CERS6: variants seen among roughly 807,000 people sequenced by gnomAD.
The protein encoded by CERS6 is ceramide synthase 6.
A neutral mutation model predicts 56.8 loss-of-function variants in CERS6; 26 were observed. That is an observed-to-expected ratio of 0.46 (90% CI 0.34 to 0.63). CERS6 has a LOEUF of 0.63. Among genes scored for constraint, CERS6 ranks in the 30% least tolerant of loss-of-function variants. The pLI is 0.01. For missense variants in CERS6, 415 were observed against 467.5 expected (o/e 0.89, Z 1.04); for synonymous variants, 164 against 173.3 (o/e 0.95, Z 0.42).
chr2:168,491,077 A>G (rs1367244920), intron 1 of CERS6, among the ~76,000 whole-genome samples: 1 of 152,230 alleles, frequency 6.6e-6, no homozygotes, highest in Non-Finnish European at 1.5e-5. Flanking sequence ...CAAAGAGGTG[A>G]GGGAAGAGCC....
At chr2:168,671,341 A>G (rs1216556308) in intron 4 of CERS6, among the ~76,000 whole-genome samples, 1 of 152,118 alleles carries the variant, frequency 6.6e-6, no homozygotes, top group Non-Finnish European at 1.5e-5. Flanking sequence ...GATTATTTTT[A>G]TACCACTTGT....
intron 4 of CERS6, among the ~76,000 whole-genome samples, chr2:168,635,491 G>C (rs1684842304): frequency 6.6e-6 from 1 of 152,118 alleles, no homozygotes; most frequent in African/African-American, 2.4e-5. Context: ...CCTTCCTCAA[G>C]TGCTTCTAAG....
chr2:168,506,335 G>A (rs1195787711), intron 1 of CERS6, among the ~76,000 whole-genome samples: 2 of 152,034 alleles, frequency 1.3e-5, no homozygotes, highest in African/African-American at 4.8e-5. Flanking sequence ...ACCTGATGTG[G>A]CAAAATTAAC....
intron 6 of CERS6, among the ~76,000 whole-genome samples, chr2:168,701,908 C>T (rs1286259019): frequency 1.3e-5 from 2 of 152,016 alleles, no homozygotes; most frequent in East Asian, 3.9e-4. Flanking sequence ...GATGCACATC[C>T]TCCCATATAC....
intron 3 of CERS6, among the ~76,000 whole-genome samples, chr2:168,578,384 G>T (rs1172929005): frequency 2.0e-5 from 3 of 152,090 alleles, no homozygotes; most frequent in African/African-American, 7.2e-5. Flanking sequence ...GTAAGCTGCT[G>T]AGGTAGTAAA....
intron 4 of CERS6, among the ~76,000 whole-genome samples, chr2:168,646,616 C>T (rs1049395850): frequency 6.6e-6 from 1 of 152,146 alleles, no homozygotes; most frequent in Non-Finnish European, 1.5e-5. Flanking sequence ...TTTGTGTGTT[C>T]CTGTGTCCAG....
chr2:168,617,032 T>C lies in CERS6; in HGVS notation c.408-13953T>C, dbSNP rs953497945. 3.9e-5 allele frequency among the ~76,000 whole-genome samples: 6 copies of C among 152,180 alleles called. No individual in the cohort carries two copies. In the East Asian group the frequency reaches 1.2e-3, roughly 29 times the overall value. Reference sequence around the variant, plus strand: ...AGGAAATTGAAATTATATCAAACATTCTCTGAGACCACAGCAGAATAAAAG... The same window carrying C: ...AGGAAATTGAAATTATATCAAACATCCTCTGAGACCACAGCAGAATAAAAG... On this transcript the variant is annotated intron_variant, in intron 3 of 9. Transcript: ENST00000305747.
intron 4 of CERS6, among the ~76,000 whole-genome samples, chr2:168,668,767 T>C (rs988050173): frequency 3.9e-5 from 6 of 152,212 alleles, no homozygotes; most frequent in Admixed American, 6.5e-5. Flanking sequence ...ACTCTAATCT[T>C]TTATCAATTT....
chr2:168,718,014 C>A, intron 8 of CERS6, 36 bp downstream of exon 8: 3 of 1,427,446 alleles, frequency 2.1e-6, no homozygotes, highest in Non-Finnish European at 2.0e-6. Context: ...TAGAGCCACC[C>A]TTTCCAAATA....
chr2:168,626,496 T>A (rs925251985), intron 3 of CERS6, among the ~76,000 whole-genome samples: 45 of 152,332 alleles, frequency 3.0e-4, no homozygotes, highest in Admixed American at 9.8e-4. Flanking sequence ...AGAGCCCTGT[T>A]CAACCTTGTT....
At chr2:168,705,150 G>A (rs1045357236) in intron 6 of CERS6, among the ~76,000 whole-genome samples, 1 of 152,170 alleles carries the variant, frequency 6.6e-6, no homozygotes, top group African/African-American at 2.4e-5. Flanking sequence ...AGAAAATGAT[G>A]TGGCATTCCC....
intron 4 of CERS6, among the ~76,000 whole-genome samples, chr2:168,690,336 T>C (rs572409501): frequency 8.3e-4 from 126 of 152,306 alleles, no homozygotes; most frequent in Non-Finnish European, 1.6e-3. Flanking sequence ...GCTGGTCTTA[T>C]TGGATAATTC....
At chr2:168,665,364 A>C (rs760728956) in intron 4 of CERS6, among the ~76,000 whole-genome samples, 10 of 152,164 alleles carry the variant, frequency 6.6e-5, no homozygotes, top group Admixed American at 1.3e-4. Context: ...ATTTACTACC[A>C]ATTACTTAAG....
intron 3 of CERS6, among the ~76,000 whole-genome samples, chr2:168,576,166 G>C (rs140159057): frequency 5.9e-5 from 9 of 152,126 alleles, no homozygotes; most frequent in African/African-American, 2.2e-4. Context: ...CATGAAGGAC[G>C]CCTCCTACCC....
chr2:168,603,460 A>C (rs1297466011), intron 3 of CERS6, among the ~76,000 whole-genome samples: 3 of 152,240 alleles, frequency 2.0e-5, no homozygotes, highest in African/African-American at 7.2e-5. Flanking sequence ...ATTGATTCTG[A>C]AACAATTGAA....
chr2:168,546,158 A>G (rs760962768), intron 1 of CERS6, among the ~76,000 whole-genome samples: 2 of 152,198 alleles, frequency 1.3e-5, no homozygotes, highest in Non-Finnish European at 2.9e-5. Flanking sequence ...CACTATAGCC[A>G]TAGCCCCATG....
chr2:168,499,325 A>G (rs548438589), intron 1 of CERS6, among the ~76,000 whole-genome samples: 2 of 152,306 alleles, frequency 1.3e-5, no homozygotes, highest in Admixed American at 1.3e-4. Flanking sequence ...TATGTTTTTC[A>G]TGTTGAGCCA....
chr2:168,527,475 A>G (rs1695090754), intron 1 of CERS6, among the ~76,000 whole-genome samples: 1 of 152,168 alleles, frequency 6.6e-6, no homozygotes, highest in Non-Finnish European at 1.5e-5. Flanking sequence ...AGTCCATTTT[A>G]TGCTGCTGTA....
intron 4 of CERS6, among the ~76,000 whole-genome samples, chr2:168,671,387 C>G (rs1173510588): frequency 6.6e-6 from 1 of 152,108 alleles, no homozygotes; most frequent in Non-Finnish European, 1.5e-5. Flanking sequence ...TAATCTGAAG[C>G]TTAAGGAAAT....
Sources: allele counts gnomAD v4.1 joint callset (sites outside exome capture counted in the v4.1 genomes callset), GRCh38; gene constraint gnomAD v4.1.1; transcripts MANE v1.5; gene names NCBI Gene and HGNC (gene_info 2026-07-23, HGNC 2026-07-21).